Variants in MGST1 observed in about 807,000 individuals in gnomAD.
The protein encoded by MGST1 is glutathione S-transferase 12.
MGST1 carries 5 observed loss-of-function variants against 8.9 expected under a neutral mutation model. That is an observed-to-expected ratio of 0.56 (90% CI 0.29 to 1.19). The LOEUF (loss-of-function observed/expected upper bound fraction) is 1.19. Among genes scored for constraint, MGST1 ranks in the 50% most tolerant of loss-of-function variants. The pLI is 0.08. For synonymous variants in MGST1, 54 were observed against 67.8 expected (o/e 0.80, Z 1.00); for missense variants, 182 against 187.4 (o/e 0.97, Z 0.17).
chr12:16,504,091 C>T (rs926880199), intron 4 of MGST1, among the ~76,000 whole-genome samples: 4 of 152,200 alleles, frequency 2.6e-5, no homozygotes, highest in Non-Finnish European at 5.9e-5. Flanking sequence ...GTGTCACTAT[C>T]AGTCTAAGCA....
intron 1 of MGST1, chr12:16,348,805 A>ATT (rs1565430759): frequency 8.3e-5 from 11 of 133,090 alleles, no homozygotes; most frequent in Non-Finnish European, 1.9e-4. Context: ...GGTAATTAAA[A>ATT]AAAAAAAAAA....
At chr12:16,427,062 TG>T (rs1354177804) in intron 1 of MGST1, among the ~76,000 whole-genome samples, 3 of 152,166 alleles carry the variant, frequency 2.0e-5, no homozygotes, top group Admixed American at 6.5e-5. Context: ...TGTTAAACAT[TG>T]TGCCAATTAC....
intron 1 of MGST1, 126 bp from the exon 2 acceptor site, chr12:16,354,105 G>C (rs1006728943): frequency 1.4e-6 from 1 of 718,636 alleles, no homozygotes; most frequent in African/African-American, 1.9e-5. Context: ...CATTTCTTCT[G>C]CAAATAGTCC....
intron 1 of MGST1, among the ~76,000 whole-genome samples, chr12:16,419,898 G>A (rs1236314360): frequency 1.3e-5 from 2 of 152,136 alleles, no homozygotes; most frequent in Non-Finnish European, 2.9e-5. Flanking sequence ...AGCTCCAACA[G>A]TCTAATCAGA....
At chr12:16,549,609 ATT>A in intron 4 of MGST1, 1 of 152,604 alleles carries the variant, frequency 6.6e-6, no homozygotes, top group African/African-American at 2.4e-5. Flanking sequence ...ACTGGAAAAT[ATT>A]GTTTCCTATA....
chr12:16,554,880 G>T (rs1942133030), intron 4 of MGST1, among the ~76,000 whole-genome samples: 1 of 152,060 alleles, frequency 6.6e-6, no homozygotes. Context: ...GGATGGTCTC[G>T]ATCTCCCAAC....
rs1032335849 is a variant in MGST1 at position 16,458,652 on chromosome 12, G to A, written n.482+75048G>A. ...AAATGAAATTATATATTATAAACATGGAATATCAGTAGGTAGGCAGTTGAG... is the reference window on the plus strand; with the variant it reads ...AAATGAAATTATATATTATAAACATAGAATATCAGTAGGTAGGCAGTTGAG... On this transcript the variant is annotated intron_variant and non_coding_transcript_variant, in intron 4 of 4. Coordinates refer to the MGST1 transcript ENST00000538857. The surrounding 1 kb of genome is among the most constrained non-coding windows in gnomAD (Gnocchi z 4.0). Among the ~76,000 whole-genome samples, 6 of 151,994 alleles carry A rather than the reference G, an allele frequency of 3.9e-5. No homozygotes were observed. The highest frequency in any genetic ancestry group is 1.4e-4 in the African/African-American group (6 of 41,406).
chr12:16,518,319 T>C (rs1490217949), intron 4 of MGST1, among the ~76,000 whole-genome samples: 1 of 152,184 alleles, frequency 6.6e-6, no homozygotes, highest in Non-Finnish European at 1.5e-5. Context: ...CTTTTCCTGA[T>C]ATGTATGTGG....
In MGST1 at chr12:16,546,019, G is replaced by A. The variant is rs541488891; in HGVS notation, n.483-43509G>A. 3.9e-5 allele frequency among the ~76,000 whole-genome samples: 6 copies of A among 152,204 alleles called. No homozygotes were observed. The highest frequency in any genetic ancestry group is 2.1e-4 in the South Asian group (1 of 4,822). On this transcript the variant is annotated intron_variant and non_coding_transcript_variant, in intron 4 of 4. Transcript: ENST00000538857. This position sits in a 1 kb window ranked among gnomAD's most constrained non-coding sequence, Gnocchi z 4.7. ...ACTTTCTGACTCTATGACCTTGGGC[G>A]AATTAAGTAACCTGGCTGTGCTTTC... is the stretch of plus-strand genomic sequence containing the variant.
rs1163452151 is a variant in MGST1, at chr12:16,497,258, C to G, written n.483-92270C>G. Among the ~76,000 whole-genome samples, 1 of 152,028 alleles carries G rather than the reference C, an allele frequency of 6.6e-6. No homozygotes were observed. Among genetic ancestry groups the G allele is most frequent in the Non-Finnish European group, 1.5e-5 (1 of 67,994 alleles). ...CCTTTGTTTAACCAAAAATAAGAAACAGAAATTGACAGGCATTGAGAGAAA... is the reference window on the plus strand; with the variant it reads ...CCTTTGTTTAACCAAAAATAAGAAAGAGAAATTGACAGGCATTGAGAGAAA... On this transcript the variant is annotated intron_variant and non_coding_transcript_variant, in intron 4 of 4. Coordinates refer to the MGST1 transcript ENST00000538857. The surrounding 1 kb of genome is among the most constrained non-coding windows in gnomAD (Gnocchi z 4.4).
chr12:16,563,458 A>G (rs1942476233), intron 4 of MGST1, among the ~76,000 whole-genome samples: 1 of 152,218 alleles, frequency 6.6e-6, no homozygotes, highest in South Asian at 2.1e-4. Flanking sequence ...ATATATGTCA[A>G]TTAAGCATAA....
intron 4 of MGST1, among the ~76,000 whole-genome samples, chr12:16,511,096 G>A (rs921869845): frequency 2.0e-5 from 3 of 152,192 alleles, no homozygotes; most frequent in Non-Finnish European, 2.9e-5. Flanking sequence ...TATATTCAAA[G>A]TTAATATAAT....
chr12:16,372,932 A>G (rs1233052372), intron 3 of MGST1, among the ~76,000 whole-genome samples: 4 of 144,106 alleles, frequency 2.8e-5, no homozygotes, highest in Non-Finnish European at 6.0e-5. Flanking sequence ...TTTATATTGT[A>G]TATTTTATAT....
At chr12:16,480,166 G>A (rs550454471) in intron 4 of MGST1, among the ~76,000 whole-genome samples, 7 of 138,666 alleles carry the variant, frequency 5.0e-5, no homozygotes, top group East Asian at 2.1e-4. Flanking sequence ...TTTTTGAGAC[G>A]GAGTCTCACC....
At chr12:16,573,584 T>A (rs963888605) in intron 4 of MGST1, 5 of 152,192 alleles carry the variant, frequency 3.3e-5, no homozygotes, top group African/African-American at 1.2e-4. Context: ...GCCTTAAGCT[T>A]CTTAATGTGC....
chr12:16,391,221 C>T (rs1004790944), intron 1 of MGST1, among the ~76,000 whole-genome samples: 9 of 151,126 alleles, frequency 6.0e-5, no homozygotes, highest in African/African-American at 2.2e-4. Context: ...TATACATGTA[C>T]CACGGTGGTT....
intron 4 of MGST1, among the ~76,000 whole-genome samples, chr12:16,533,578 A>T (rs1010398551): frequency 2.0e-5 from 3 of 152,118 alleles, no homozygotes; most frequent in African/African-American, 7.2e-5. Flanking sequence ...TTATCTGGAG[A>T]TTCCAGGATT....
intron 1 of MGST1, among the ~76,000 whole-genome samples, chr12:16,350,139 C>T (rs1472992898): frequency 3.9e-5 from 6 of 152,118 alleles, no homozygotes; most frequent in Non-Finnish European, 8.8e-5. Context: ...GAAGAGGTCC[C>T]AGAGAAGTTA....
upstream of MGST1, among the ~76,000 whole-genome samples, chr12:16,382,579 G>T (rs1007950270): frequency 3.9e-5 from 6 of 152,144 alleles, no homozygotes; most frequent in Admixed American, 3.9e-4. Flanking sequence ...TAGGCTATTC[G>T]GGGATCAGGG....
Sources: allele counts gnomAD v4.1 joint callset (sites outside exome capture counted in the v4.1 genomes callset), GRCh38; gene constraint gnomAD v4.1.1; non-coding constraint Gnocchi (gnomAD v3.1); transcripts MANE v1.5; gene names NCBI Gene and HGNC (gene_info 2026-07-23, HGNC 2026-07-21).